GRID1: variants seen among roughly 807,000 people sequenced by gnomAD.
The protein encoded by GRID1 is glutamate ionotropic receptor delta type subunit 1.
Under a neutral mutation model 98.0 loss-of-function variants are expected in GRID1, and 28 were observed. That is an observed-to-expected ratio of 0.29 (90% CI 0.21 to 0.39). The LOEUF is 0.39. GRID1 is among the 10% of genes least tolerant of loss of function. The probability of loss-of-function intolerance (pLI) is 1.00; values close to 1 mark genes in which losing one functional copy is unlikely to be tolerated. For synonymous variants in GRID1, 553 were observed against 538.5 expected (o/e 1.03, Z -0.37); for missense variants, 1,111 against 1,340.5 (o/e 0.83, Z 2.67).
At chr10:86,319,381 T>TA (rs1025182688) in intron 2 of GRID1, among the ~76,000 whole-genome samples, 4 of 152,102 alleles carry the variant, frequency 2.6e-5, no homozygotes, top group Non-Finnish European at 5.9e-5. Flanking sequence ...CTAGGGGTGT[T>TA]ACAGTGAGAG....
intron 8 of GRID1, among the ~76,000 whole-genome samples, chr10:85,729,951 C>A (rs897747662): frequency 2.6e-5 from 4 of 152,204 alleles, no homozygotes; most frequent in Admixed American, 6.5e-5. Context: ...CTGCAAAATA[C>A]CCTCTTTCTT....
chr10:86,189,419 C>T (rs1006470848), intron 3 of GRID1, among the ~76,000 whole-genome samples: 6 of 151,996 alleles, frequency 3.9e-5, no homozygotes, highest in African/African-American at 1.5e-4. Context: ...GCCCTCATCA[C>T]CATCCCAGAA....
chr10:86,276,866 G>GA (rs34416251), intron 2 of GRID1, among the ~76,000 whole-genome samples: 15,872 of 148,040 alleles, frequency 0.11, 966 homozygotes, highest in Middle Eastern at 0.17. Flanking sequence ...TCAAGTGCTG[G>GA]AAAAAAAAAA....
chr10:86,254,421 TCAGA>T, intron 2 of GRID1, among the ~76,000 whole-genome samples: 1 of 152,256 alleles, frequency 6.6e-6, no homozygotes, highest in Non-Finnish European at 1.5e-5. Context: ...TTACAAATTC[TCAGA>T]CAAACATAGC....
intron 13 of GRID1, among the ~76,000 whole-genome samples, chr10:85,622,697 G>A (rs139696936): frequency 6.6e-6 from 1 of 152,294 alleles, no homozygotes; most frequent in Non-Finnish European, 1.5e-5. Context: ...ATCATGGCAT[G>A]GGCTTATGTC....
At chr10:86,137,791 T>C (rs1363211157) in intron 4 of GRID1, among the ~76,000 whole-genome samples, 1 of 152,184 alleles carries the variant, frequency 6.6e-6, no homozygotes, top group Non-Finnish European at 1.5e-5. Flanking sequence ...CGGCCAGTTG[T>C]ACCACATTAA....
chr10:86,215,094 A>C (rs1846156102), intron 2 of GRID1, among the ~76,000 whole-genome samples: 1 of 152,156 alleles, frequency 6.6e-6, no homozygotes, highest in Non-Finnish European at 1.5e-5. Flanking sequence ...AACCAAGGGG[A>C]CAGTGGGGAG....
chr10:86,092,331 T>C (rs772182929), intron 4 of GRID1, among the ~76,000 whole-genome samples: 8 of 152,118 alleles, frequency 5.3e-5, no homozygotes, highest in Non-Finnish European at 1.2e-4. Context: ...AAATGCAAAA[T>C]GCTCTGGGAA....
At chr10:85,809,992 G>A (rs1199395559) in intron 8 of GRID1, among the ~76,000 whole-genome samples, 1 of 152,208 alleles carries the variant, frequency 6.6e-6, no homozygotes, top group Non-Finnish European at 1.5e-5. Flanking sequence ...CACAAGTTTT[G>A]TACTTCCATT....
chr10:86,123,342 A>T (rs1017675872), intron 4 of GRID1, among the ~76,000 whole-genome samples: 1 of 152,166 alleles, frequency 6.6e-6, no homozygotes, highest in Admixed American at 6.5e-5. Context: ...AAAGAATGGG[A>T]TGTGGTGTGG....
At chr10:85,821,280 G>A (rs186498715) in intron 8 of GRID1, among the ~76,000 whole-genome samples, 2 of 151,964 alleles carry the variant, frequency 1.3e-5, no homozygotes, top group Admixed American at 6.6e-5. Flanking sequence ...CACTTTGGGA[G>A]GCCGAAATGG....
chr10:85,978,680 A>G (rs766448604), intron 4 of GRID1, among the ~76,000 whole-genome samples: 11 of 152,170 alleles, frequency 7.2e-5, no homozygotes, highest in Non-Finnish European at 1.6e-4. Flanking sequence ...GACATTTGCC[A>G]TACAGGGTCC....
intron 2 of GRID1, among the ~76,000 whole-genome samples, chr10:86,272,041 A>G (rs1201639389): frequency 2.6e-5 from 4 of 152,196 alleles, no homozygotes; most frequent in Admixed American, 2.6e-4. Flanking sequence ...AGAGAAATAT[A>G]TTATGTTCAG....
chr10:85,653,484 A>T (rs1314292487), intron 12 of GRID1, among the ~76,000 whole-genome samples: 1 of 152,212 alleles, frequency 6.6e-6, no homozygotes, highest in East Asian at 1.9e-4. Flanking sequence ...CCAAGGAGCC[A>T]GCTTATGAGC....
intron 12 of GRID1, among the ~76,000 whole-genome samples, chr10:85,667,695 G>A (rs1841037818): frequency 6.6e-6 from 1 of 152,182 alleles, no homozygotes; most frequent in Non-Finnish European, 1.5e-5. Flanking sequence ...CTTCCCCAGT[G>A]TGCCCCCAGA....
At chr10:86,017,221 G>A (rs560456632) in intron 4 of GRID1, among the ~76,000 whole-genome samples, 1 of 152,218 alleles carries the variant, frequency 6.6e-6, no homozygotes, top group Non-Finnish European at 1.5e-5. Flanking sequence ...TTTACCTATG[G>A]GAATAACAAC....
chr10:85,747,861 T>A (rs2132682233), intron 8 of GRID1, among the ~76,000 whole-genome samples: 1 of 152,358 alleles, frequency 6.6e-6, no homozygotes, highest in South Asian at 2.1e-4. Flanking sequence ...TCATAGTCCG[T>A]AATCAGAAGG....
intron 12 of GRID1, among the ~76,000 whole-genome samples, chr10:85,690,589 C>T (rs137864536): frequency 6.6e-6 from 1 of 152,242 alleles, no homozygotes; most frequent in East Asian, 1.9e-4. Flanking sequence ...AAAAGTCTAT[C>T]AAAAACAAAC....
intron 8 of GRID1, among the ~76,000 whole-genome samples, chr10:85,833,995 C>G (rs1423246426): frequency 6.6e-6 from 1 of 152,112 alleles, no homozygotes; most frequent in Non-Finnish European, 1.5e-5. Context: ...GGGACAATAA[C>G]AAGAGATCCA....
Sources: allele counts gnomAD v4.1 joint callset (sites outside exome capture counted in the v4.1 genomes callset), GRCh38; gene constraint gnomAD v4.1.1; transcripts MANE v1.5; gene names NCBI Gene and HGNC (gene_info 2026-07-23, HGNC 2026-07-21).